The following TRAK1 variants were observed in gnomAD, a reference collection of about 807,000 sequenced individuals.
TRAK1 encodes trafficking kinesin protein 1, also known as trafficking kinesin-binding protein 1.
TRAK1 carries 33 observed loss-of-function variants against 92.1 expected under a neutral mutation model. The ratio of observed to expected loss-of-function variants is 0.36; its 90% confidence interval spans 0.27 to 0.48. The LOEUF (loss-of-function observed/expected upper bound fraction) is 0.48. Ranked by LOEUF, TRAK1 falls within the 20% of genes least tolerant of loss-of-function variation. The pLI is 0.99. For synonymous variants in TRAK1, 521 were observed against 517.3 expected (o/e 1.01, Z -0.10); for missense variants, 1,123 against 1,257.9 (o/e 0.89, Z 1.62).
intron 2 of TRAK1, chr3:42,149,323 C>T: frequency 1.4e-6 from 2 of 1,426,988 alleles, no homozygotes; most frequent in Non-Finnish European, 1.8e-6. Flanking sequence ...TTCTGCTCCT[C>T]CTACTCCCTC....
rs1326614086 is a variant in TRAK1, at chr3:42,013,807, G to A, written c.-829G>A. The stretch of plus-strand genomic sequence containing the variant: ...CCTCAAGCGAGGCGTCCCCCAGAGT[G>A]GGGCCGCGCGCGGGAGAGCCGGAGC... On this transcript the variant is annotated 5_prime_UTR_variant, in exon 1 of 17. Transcript: ENST00000487159. This position sits in a 1 kb window ranked among gnomAD's most constrained non-coding sequence, Gnocchi z 5.1. The A allele has an allele frequency of 6.7e-6, 1 of 150,296 alleles. No homozygotes were observed. The highest frequency in any genetic ancestry group is 1.5e-5 in the Non-Finnish European group (1 of 67,054). 9.3% of individuals were successfully genotyped at this position (150,296 alleles called of 1,614,324 possible).
chr3:42,031,227 T>TG lies in TRAK1; in HGVS notation c.-519+17114dup, dbSNP rs1393379795. Among the ~76,000 whole-genome samples the TG allele has an allele frequency of 6.6e-5, 10 of 151,416 alleles. No homozygotes were observed. The East Asian group carries it at 7.9e-4, about 12-fold the overall frequency. ...ATTTTTTTTGTATTTTTAGTAGAGATGGGGTTTCACGATATTGGCCAGGCT... is the reference window on the plus strand; with the variant it reads ...ATTTTTTTTGTATTTTTAGTAGAGATGGGGGTTTCACGATATTGGCCAGGCT... On this transcript the variant is annotated intron_variant, in intron 1 of 16. Transcript: ENST00000487159.
At chr3:42,075,494 G>T (rs1338736132) in intron 1 of TRAK1, among the ~76,000 whole-genome samples, 1 of 152,152 alleles carries the variant, frequency 6.6e-6, no homozygotes, top group African/African-American at 2.4e-5. Context: ...ATTCCTTTGG[G>T]TATATGCCCA....
intron 7 of TRAK1, among the ~76,000 whole-genome samples, chr3:42,192,182 G>A (rs148053821): frequency 1.4e-4 from 22 of 152,156 alleles, no homozygotes; most frequent in African/African-American, 2.2e-4. Context: ...GATTACAGGC[G>A]TGAGCCACCA....
intron 2 of TRAK1, among the ~76,000 whole-genome samples, chr3:42,159,505 G>A (rs1701000516): frequency 6.6e-6 from 1 of 152,186 alleles, no homozygotes; most frequent in African/African-American, 2.4e-5. Flanking sequence ...TTAAACTGTG[G>A]CTTCTTTCTG....
intron 1 of TRAK1, among the ~76,000 whole-genome samples, chr3:42,102,305 C>T (rs1345864425): frequency 6.6e-6 from 1 of 152,204 alleles, no homozygotes; most frequent in Non-Finnish European, 1.5e-5. Flanking sequence ...TTTTACCTAC[C>T]TTACCCTATC....
At chr3:42,043,625 GC>G (rs1702642477) in intron 1 of TRAK1, among the ~76,000 whole-genome samples, 1 of 151,606 alleles carries the variant, frequency 6.6e-6, no homozygotes, top group Non-Finnish European at 1.5e-5. Flanking sequence ...TGGGGGGGGG[GC>G]GGGGGGAGTA....
chr3:42,219,512 G>A lies in TRAK1; in HGVS notation c.1982G>A (p.Cys661Tyr), dbSNP rs759774302. 3 of 1,613,718 alleles carry A rather than the reference G, an allele frequency of 1.9e-6. No homozygotes were observed. The highest frequency in any genetic ancestry group is 2.5e-6 in the Non-Finnish European group (3 of 1,179,900). ...AATTTAGCGCACCATCCTGGGAAGT[G>A]CATGTCTCAGACCAACTCCACCTTC... ...PETSAHHPGKCMSQTNSTFTF... is the reference protein window; with the variant it reads ...PETSAHHPGKYMSQTNSTFTF... The change falls in exon 15 of 16, where the codon TGC (cysteine) becomes TAC (tyrosine). Residue 661 changes from cysteine (C) to tyrosine (Y), a missense_variant. Physicochemically the swap from Cys to Tyr is radical, Grantham distance 194. Transcript: ENST00000327628.
At chr3:42,017,686 T>C (rs1044072537) in intron 1 of TRAK1, among the ~76,000 whole-genome samples, 41 of 152,350 alleles carry the variant, frequency 2.7e-4, no homozygotes, top group African/African-American at 8.9e-4. Flanking sequence ...TTAAAGGCTA[T>C]GATAGGCATT....
At position 42,169,149 on chromosome 3, in the gene TRAK1, T is replaced by TC. The variant is rs568858999; in HGVS notation, c.287-7665_287-7664insC. Among the ~76,000 whole-genome samples, 57 of 151,552 alleles carry TC rather than the reference T, an allele frequency of 3.8e-4. No individual in the cohort carries two copies. The East Asian group carries it at 7.0e-3, about 19-fold the overall frequency. Reference sequence around the variant, plus strand: ...AAGTGATCTATTTTCTTTCTTTCTTTTTTTTTTTAAGTGATCTATCTATCT... The same window carrying TC: ...AAGTGATCTATTTTCTTTCTTTCTTTCTTTTTTTTAAGTGATCTATCTATCT... On this transcript the variant is annotated intron_variant, in intron 2 of 15. Transcript: ENST00000327628.
rs374149975 is a variant in TRAK1 at position 42,193,916 on chromosome 3, A to T, written c.975+18A>T. ...CAGCCGAGGTGAGCACCTCTCCCTC[A>T]TTCCTTCAGTGCCTCTGATTGCAGC... On this transcript the variant is annotated intron_variant, in intron 9 of 15. Transcript: ENST00000327628. 1.9e-6 allele frequency: 3 copies of T among 1,611,594 alleles called. No homozygotes were observed. In the African/African-American group the frequency reaches 4.0e-5, roughly 22 times the overall value.
At position 42,225,129 on chromosome 3, in the gene TRAK1, T is replaced by C. The variant is rs4478056; in HGVS notation, c.*1392T>C. The C allele has an allele frequency of 0.96, 145,590 of 152,356 alleles. 69,627 individuals carry two copies. Among genetic ancestry groups the C allele is most frequent in the East Asian group, 1 (5,180 of 5,182 alleles). 9.4% of individuals were successfully genotyped at this position (152,356 alleles called of 1,614,324 possible). A position where few individuals can be genotyped will look rare whatever the true frequency, so the allele number is the denominator to read the frequency against. ...ATAAACATTCTCGTTCCTTCCAGTT[T>C]CAGTCATAGTGTGTCTGTGGCATTC... is the stretch of plus-strand genomic sequence containing the variant. On this transcript the variant is annotated 3_prime_UTR_variant, in exon 16 of 16. Transcript: ENST00000327628.
Position 42,160,325 on chromosome 3 carries a change from C to A in TRAK1, c.287-16489C>A, listed in dbSNP as rs780325053. ...TCGGGGGCACCCCCAAGGATGGTCC[C>A]TTAGGGTGATGTTTTGGCTTTGGGG... On this transcript the variant is annotated intron_variant, in intron 2 of 15. Coordinates refer to ENST00000327628, the MANE Select transcript of TRAK1 (RefSeq NM_001042646.3). 6.8e-6 allele frequency: 11 copies of A among 1,612,572 alleles called. No individual in the cohort carries two copies. In the South Asian group the frequency reaches 9.9e-5, roughly 15 times the overall value.
chr3:42,202,937 CT>C lies in TRAK1; in HGVS notation c.1744+186del. The C allele has an allele frequency of 7.1e-7, 1 of 1,404,058 alleles. No homozygotes were observed. The allele number at this position is 1,404,058 out of a possible 1,614,324, so 87.0% of individuals were successfully genotyped here. A position where few individuals can be genotyped will look rare whatever the true frequency, so the allele number is the denominator to read the frequency against. ...CAGCCTAGGCCTCCGTCCCTCCCCT[CT>C]GGCTGGCAGGTGTGACAATGCACAC... On this transcript the variant is annotated intron_variant, in intron 13 of 15. Transcript: ENST00000327628. This position sits in a 1 kb window ranked among gnomAD's most constrained non-coding sequence, Gnocchi z 6.1.
chr3:42,201,724 GCTGT>G (rs914992135), intron 12 of TRAK1, among the ~76,000 whole-genome samples: 16 of 151,990 alleles, frequency 1.1e-4, no homozygotes, highest in Admixed American at 8.5e-4. Flanking sequence ...GAGGACTCAG[GCTGT>G]CTGTCTTGTG....
intron 2 of TRAK1, among the ~76,000 whole-genome samples, chr3:42,156,186 TG>T (rs1397099309): frequency 6.6e-6 from 1 of 152,214 alleles, no homozygotes; most frequent in East Asian, 1.9e-4. Flanking sequence ...TGCCGGTCTT[TG>T]GGGGTTGTGT....
chr3:42,177,707 A>G (rs918299931), intron 3 of TRAK1, among the ~76,000 whole-genome samples: 1 of 152,136 alleles, frequency 6.6e-6, no homozygotes, highest in Non-Finnish European at 1.5e-5. Flanking sequence ...TCAGACAGAA[A>G]CTGGGCCAGA....
intron 2 of TRAK1, among the ~76,000 whole-genome samples, chr3:42,154,621 G>C (rs1268475551): frequency 6.6e-6 from 1 of 152,026 alleles, no homozygotes; most frequent in African/African-American, 2.4e-5. Flanking sequence ...TGTAGAGATG[G>C]GGTCTCACTA....
intron 1 of TRAK1, among the ~76,000 whole-genome samples, chr3:42,052,711 T>C (rs1559724224): frequency 6.6e-6 from 1 of 152,162 alleles, no homozygotes; most frequent in African/African-American, 2.4e-5. Context: ...TAATCTTTAT[T>C]CTGTGTGCAT....
Sources: allele counts gnomAD v4.1 joint callset (sites outside exome capture counted in the v4.1 genomes callset), GRCh38; gene constraint gnomAD v4.1.1; non-coding constraint Gnocchi (gnomAD v3.1); transcripts MANE v1.5; gene names NCBI Gene and HGNC (gene_info 2026-07-23, HGNC 2026-07-21).